Variants in PKN2 observed in about 807,000 individuals in gnomAD.
PKN2 encodes the protein serine/threonine-protein kinase N2.
Under a neutral mutation model 119.1 loss-of-function variants are expected in PKN2, and 38 were observed. The ratio of observed to expected loss-of-function variants is 0.32; its 90% confidence interval spans 0.25 to 0.42. The LOEUF is 0.42. Ranked by LOEUF, PKN2 falls within the 10% of genes least tolerant of loss-of-function variation. The pLI is 1.00. For missense variants in PKN2, 850 were observed against 1,165.1 expected (o/e 0.73, Z 3.94); for synonymous variants, 390 against 384.9 (o/e 1.01, Z -0.15).
At chr1:88,692,951 T>G (rs1666388632) in intron 1 of PKN2, among the ~76,000 whole-genome samples, 1 of 152,220 alleles carries the variant, frequency 6.6e-6, no homozygotes, top group African/African-American at 2.4e-5. Flanking sequence ...ATTAATAGTT[T>G]ATGGCCTGGG....
rs533955261 is a variant in PKN2, at chr1:88,811,317, T to C, written c.2103-2240T>C. ...GTAGGATTCAATTCTAAGACCTTGG[T>C]TTTATTAATGATGTTTTCCCCTGAC... On this transcript the variant is annotated intron_variant, in intron 15 of 21. Transcript: ENST00000370521. 5.9e-5 allele frequency among the ~76,000 whole-genome samples: 9 copies of C among 152,328 alleles called. No homozygotes were observed. In the South Asian group the frequency reaches 1.9e-3, roughly 32 times the overall value.
chr1:88,749,574 T>G (rs1340923469), intron 2 of PKN2, among the ~76,000 whole-genome samples: 3 of 152,212 alleles, frequency 2.0e-5, no homozygotes, highest in African/African-American at 4.8e-5. Flanking sequence ...AATAACCAAT[T>G]AAGCCTCCTT....
chr1:88,778,967 C>T (rs1335925651), intron 6 of PKN2, among the ~76,000 whole-genome samples: 2 of 152,204 alleles, frequency 1.3e-5, no homozygotes, highest in Non-Finnish European at 2.9e-5. Context: ...TTGTGATCCG[C>T]CCGCCTTGGT....
chr1:88,781,497 A>G (rs952339853), intron 6 of PKN2, among the ~76,000 whole-genome samples: 4 of 152,114 alleles, frequency 2.6e-5, no homozygotes, highest in African/African-American at 9.7e-5. Context: ...ATTCATAGTT[A>G]TTACTTCTGA....
intron 8 of PKN2, among the ~76,000 whole-genome samples, chr1:88,800,765 T>A (rs771703931): frequency 1.3e-5 from 2 of 152,224 alleles, no homozygotes; most frequent in Non-Finnish European, 2.9e-5. Context: ...CTACCACACA[T>A]AAGGCTGATG....
chr1:88,702,139 A>G (rs181553534), intron 1 of PKN2, among the ~76,000 whole-genome samples: 1 of 152,150 alleles, frequency 6.6e-6, no homozygotes, highest in Non-Finnish European at 1.5e-5. Context: ...TTTGTATTTC[A>G]GTAGAGATAG....
At chr1:88,765,241 T>C (rs1377528668) in intron 3 of PKN2, among the ~76,000 whole-genome samples, 3 of 149,358 alleles carry the variant, frequency 2.0e-5, no homozygotes, top group African/African-American at 4.9e-5. Context: ...GTCTCCTGTT[T>C]ATAGAATCAC....
chr1:88,730,163 T>C (rs1668086635), intron 1 of PKN2, among the ~76,000 whole-genome samples: 1 of 145,746 alleles, frequency 6.9e-6, no homozygotes, highest in Admixed American at 6.8e-5. Context: ...AGACTCCGTC[T>C]CAAAAAAAAA....
intron 2 of PKN2, among the ~76,000 whole-genome samples, chr1:88,749,397 C>T (rs1668897795): frequency 7.5e-6 from 1 of 132,874 alleles, no homozygotes; most frequent in African/African-American, 2.8e-5. Flanking sequence ...GTGCGAGACT[C>T]CGTCTCAAAA....
At position 88,689,064 on chromosome 1, in the gene PKN2, A is replaced by C. The variant is rs914900369; in HGVS notation, c.48+4436A>C. On this transcript the variant is annotated intron_variant, in intron 1 of 21. Coordinates refer to ENST00000370521, the MANE Select transcript of PKN2 (RefSeq NM_006256.4). ...GAAGACGGCATCTAATTTTGCAGTG[A>C]CACTGGAAAGTGGAAGGTCTGAGTT... 1.1e-4 allele frequency among the ~76,000 whole-genome samples: 16 copies of C among 152,206 alleles called. 1 individual carries two copies. The highest frequency in any genetic ancestry group is 3.4e-4 in the African/African-American group (14 of 41,452).
chr1:88,721,629 T>C (rs1314111877), intron 1 of PKN2, among the ~76,000 whole-genome samples: 2 of 152,200 alleles, frequency 1.3e-5, no homozygotes, highest in Non-Finnish European at 2.9e-5. Flanking sequence ...TTTAACATGG[T>C]TGATTTTGTA....
chr1:88,810,692 C>T lies in PKN2; in HGVS notation c.2103-2865C>T, dbSNP rs186411495. 1.9e-3 allele frequency among the ~76,000 whole-genome samples: 282 copies of T among 152,026 alleles called. 1 individual carries two copies. The highest frequency in any genetic ancestry group is 6.4e-3 in the African/African-American group (265 of 41,468). On this transcript the variant is annotated intron_variant, in intron 15 of 21. Transcript: ENST00000370521. ...AGTGATCTCGGCTCACTACAACCTC[C>T]GCCTCCCGGGTTCAAGCGATTCTCC... is the stretch of plus-strand genomic sequence containing the variant.
chr1:88,710,079 A>G (rs1241036182), intron 1 of PKN2, among the ~76,000 whole-genome samples: 1 of 152,192 alleles, frequency 6.6e-6, no homozygotes, highest in East Asian at 1.9e-4. Context: ...TCAATAGACT[A>G]CCTCAAGTGG....
intron 1 of PKN2, among the ~76,000 whole-genome samples, chr1:88,736,101 A>G (rs76540362): frequency 0.04 from 6,049 of 152,150 alleles, 279 homozygotes; most frequent in African/African-American, 0.1. Context: ...TGTATCTGAT[A>G]GATTCTGCTG....
At chr1:88,781,291 G>A in intron 6 of PKN2, 1 of 303,676 alleles carries the variant, frequency 3.3e-6, no homozygotes, top group Non-Finnish European at 5.6e-6. Flanking sequence ...CTTTGAATAA[G>A]GTATAATTGT....
At chr1:88,777,857 CTCTT>C (rs1670167390) in intron 6 of PKN2, among the ~76,000 whole-genome samples, 2 of 152,174 alleles carry the variant, frequency 1.3e-5, no homozygotes, top group African/African-American at 4.8e-5. Flanking sequence ...ACTGAACAGA[CTCTT>C]TCAGTAGATA....
chr1:88,715,465 G>A lies in PKN2; in HGVS notation c.49-25523G>A, dbSNP rs145812145. Reference sequence around the variant, plus strand: ...TCAGAGTCTGTTATTGGTCTATTCAGGGATTCAACTTCTTCCTGGTTTAGT... The same window carrying A: ...TCAGAGTCTGTTATTGGTCTATTCAAGGATTCAACTTCTTCCTGGTTTAGT... On this transcript the variant is annotated intron_variant, in intron 1 of 21. Transcript: ENST00000370521. Among the ~76,000 whole-genome samples the A allele has an allele frequency of 9.2e-3, 1,407 of 152,188 alleles. 12 individuals are homozygous for A. Among genetic ancestry groups the A allele is most frequent in the East Asian group, 0.051 (264 of 5,168 alleles).
At chr1:88,735,749 CT>C (rs1317739333) in intron 1 of PKN2, among the ~76,000 whole-genome samples, 1 of 151,900 alleles carries the variant, frequency 6.6e-6, no homozygotes, top group Non-Finnish European at 1.5e-5. Flanking sequence ...GCTTTTGTTG[CT>C]TTCAAAATAT....
intron 1 of PKN2, among the ~76,000 whole-genome samples, chr1:88,703,350 A>G (rs1157031707): frequency 6.6e-6 from 1 of 152,154 alleles, no homozygotes; most frequent in African/African-American, 2.4e-5. Flanking sequence ...TTATTAATAG[A>G]TTTTAATTAC....
Sources: allele counts gnomAD v4.1 joint callset (sites outside exome capture counted in the v4.1 genomes callset), GRCh38; gene constraint gnomAD v4.1.1; transcripts MANE v1.5; gene names NCBI Gene and HGNC (gene_info 2026-07-23, HGNC 2026-07-21).